The following GALNT2 variants were observed in gnomAD, a reference collection of about 807,000 sequenced individuals.
GALNT2 encodes the protein polypeptide N-acetylgalactosaminyltransferase 2, also known as UDP-GalNAc:polypeptide N-acetylgalactosaminyltransferase 2.
GALNT2 carries 31 observed loss-of-function variants against 81.4 expected under a neutral mutation model. The observed-to-expected ratio is 0.38, with a 90% confidence interval of 0.29 to 0.51. The LOEUF (loss-of-function observed/expected upper bound fraction) is 0.51. GALNT2 is among the 20% of genes least tolerant of loss of function. GALNT2 has a pLI of 0.87. For missense variants in GALNT2, 629 were observed against 765.7 expected (o/e 0.82, Z 2.11); for synonymous variants, 303 against 287.4 (o/e 1.05, Z -0.55).
chr1:230,231,937 G>T (rs142111909), intron 3 of GALNT2, among the ~76,000 whole-genome samples: 3 of 152,098 alleles, frequency 2.0e-5, no homozygotes, highest in African/African-American at 7.2e-5. Context: ...TGTTCCTGCC[G>T]CTGACTTCAA....
intron 1 of GALNT2, among the ~76,000 whole-genome samples, chr1:230,171,973 A>T (rs1408413212): frequency 4.6e-5 from 7 of 151,752 alleles, no homozygotes; most frequent in Admixed American, 4.6e-4. Context: ...CTCTGCCACT[A>T]GCAAGCCTTA....
At chr1:230,181,400 G>A (rs1340505501) in intron 2 of GALNT2, among the ~76,000 whole-genome samples, 2 of 152,080 alleles carry the variant, frequency 1.3e-5, no homozygotes, top group African/African-American at 4.8e-5. Context: ...ACGTTAATGG[G>A]TTTTCATTTG....
intron 1 of GALNT2, among the ~76,000 whole-genome samples, chr1:230,154,236 T>C (rs933172682): frequency 3.9e-5 from 6 of 152,246 alleles, no homozygotes; most frequent in African/African-American, 1.4e-4. Flanking sequence ...AGTGGAGACA[T>C]AGGCCCTTCG....
chr1:230,095,303 G>T (rs981970214), intron 1 of GALNT2, among the ~76,000 whole-genome samples: 2 of 152,140 alleles, frequency 1.3e-5, no homozygotes, highest in Admixed American at 6.5e-5. Context: ...CTGCTTTCAC[G>T]CACTTTTATG....
Position 230,255,364 on chromosome 1 carries a change from G to A in GALNT2, c.1136+20G>A. 1 of 1,614,186 alleles carries A rather than the reference G, an allele frequency of 6.2e-7. No individual in the cohort carries two copies. Among genetic ancestry groups the A allele is most frequent in the African/African-American group, 1.3e-5 (1 of 75,072 alleles). On this transcript the variant is annotated intron_variant, in intron 11 of 15. Transcript: ENST00000366672. ...TGCCCGGTAAGTAGTGAAAGGCTGA[G>A]CGGGGTCCAAAACATTGATGACTAC...
At chr1:230,164,056 T>A (rs1558118539) in intron 1 of GALNT2, among the ~76,000 whole-genome samples, 1 of 152,190 alleles carries the variant, frequency 6.6e-6, no homozygotes, top group Non-Finnish European at 1.5e-5. Context: ...ATCTTTTTTT[T>A]AATAAAAGGG....
rs1190788315 is a variant in GALNT2, at chr1:230,265,248, G to C, written c.1321G>C (p.Asp441His). 1 of 1,614,200 alleles carries C rather than the reference G, an allele frequency of 6.2e-7. No homozygotes were observed. Among genetic ancestry groups the C allele is most frequent in the East Asian group, 2.2e-5 (1 of 44,878 alleles). ...ENVYPELRVPDHQDIAFGALQ... is the reference protein window; with the variant it reads ...ENVYPELRVPHHQDIAFGALQ... ...TCTCACGTTGTTTTTCAGGGTTCCA[G>C]ACCATCAGGATATAGCTTTTGGGGC... The change falls in exon 14 of 16, where the codon GAC becomes CAC. Residue 441 changes from aspartate (D) to histidine (H), a missense_variant. This residue lies in a region of GALNT2 where 207 missense variants were observed against 225.5 expected (regional missense o/e 0.92). Transcript: ENST00000366672.
At chr1:230,067,476 C>G (rs1421919288) in intron 1 of GALNT2, 70 bp downstream of exon 1, 1 of 543,484 alleles carries the variant, frequency 1.8e-6, no homozygotes, top group Non-Finnish European at 2.6e-6. Flanking sequence ...GTCCCCTGCC[C>G]TCTCCGCGCC....
intron 2 of GALNT2, among the ~76,000 whole-genome samples, chr1:230,191,053 A>T (rs531349242): frequency 5.9e-5 from 9 of 152,286 alleles, no homozygotes; most frequent in Non-Finnish European, 8.8e-5. Context: ...AAAAATCTTC[A>T]TTGTCCTTCT....
At chr1:230,068,634 G>T (rs1659281372) in intron 1 of GALNT2, among the ~76,000 whole-genome samples, 1 of 152,202 alleles carries the variant, frequency 6.6e-6, no homozygotes, top group Admixed American at 6.5e-5. Context: ...CCACGCCGGG[G>T]TTTGGCTGCT....
At chr1:230,230,890 TAAG>T (rs562538895) in intron 3 of GALNT2, among the ~76,000 whole-genome samples, 59 of 152,320 alleles carry the variant, frequency 3.9e-4, no homozygotes, top group Non-Finnish European at 7.4e-4. Flanking sequence ...GGCTATCTCA[TAAG>T]AAGTGTGGTC....
intron 14 of GALNT2, among the ~76,000 whole-genome samples, chr1:230,270,975 A>G (rs1310302835): frequency 6.6e-6 from 1 of 152,230 alleles, no homozygotes; most frequent in African/African-American, 2.4e-5. Context: ...AATTAAGCAC[A>G]CAATAGCAAG....
At position 230,099,021 on chromosome 1, in the gene GALNT2, C is replaced by T. The variant is rs1338511508; in HGVS notation, c.126+31615C>T. 5.9e-5 allele frequency among the ~76,000 whole-genome samples: 9 copies of T among 152,272 alleles called. No individual in the cohort carries two copies. In the South Asian group the frequency reaches 8.3e-4, roughly 14 times the overall value. ...AGATGTTCCCGATCGCGCGGAATCACGACATGAGAGGATGAGATCAGAGTT... is the reference window on the plus strand; with the variant it reads ...AGATGTTCCCGATCGCGCGGAATCATGACATGAGAGGATGAGATCAGAGTT... On this transcript the variant is annotated intron_variant, in intron 1 of 15. Coordinates refer to ENST00000366672, the MANE Select transcript of GALNT2 (RefSeq NM_004481.5).
At chr1:230,185,899 C>T (rs1230772704) in intron 2 of GALNT2, among the ~76,000 whole-genome samples, 1 of 152,160 alleles carries the variant, frequency 6.6e-6, no homozygotes, top group African/African-American at 2.4e-5. Flanking sequence ...TTTAGGTTTT[C>T]CTACCCCCGT....
chr1:230,218,882 G>A (rs574843690), intron 3 of GALNT2, among the ~76,000 whole-genome samples: 1 of 152,366 alleles, frequency 6.6e-6, no homozygotes, highest in South Asian at 2.1e-4. Flanking sequence ...CAGTGGATGA[G>A]CAAACATTAC....
At chr1:230,113,909 GT>G (rs531555694) in intron 1 of GALNT2, among the ~76,000 whole-genome samples, 1 of 148,282 alleles carries the variant, frequency 6.7e-6, no homozygotes, top group African/African-American at 2.5e-5. Flanking sequence ...TTTGTTTTTT[GT>G]TTTTTTTTTC....
chr1:230,258,835 A>G (rs138622083), intron 11 of GALNT2: 1 of 152,350 alleles, frequency 6.6e-6, no homozygotes, highest in Admixed American at 6.5e-5. Context: ...CAGACGCCCC[A>G]CACCAAAGCC....
chr1:230,223,735 T>G (rs1432569207), intron 3 of GALNT2, among the ~76,000 whole-genome samples: 1 of 152,238 alleles, frequency 6.6e-6, no homozygotes, highest in Non-Finnish European at 1.5e-5. Flanking sequence ...CCTCCCAAAG[T>G]GCTGGGATTG....
chr1:230,248,622 G>T (rs923461330), intron 8 of GALNT2, among the ~76,000 whole-genome samples: 7 of 152,168 alleles, frequency 4.6e-5, no homozygotes, highest in African/African-American at 1.7e-4. Flanking sequence ...AAGCTTATTT[G>T]CCCAGCTTGG....
Sources: allele counts gnomAD v4.1 joint callset (sites outside exome capture counted in the v4.1 genomes callset), GRCh38; gene constraint gnomAD v4.1.1; regional missense constraint gnomAD v4.1.1; transcripts MANE v1.5; gene names NCBI Gene and HGNC (gene_info 2026-07-23, HGNC 2026-07-21).